Variants in MAGI1 observed in about 807,000 individuals in gnomAD.
MAGI1 encodes the protein membrane-associated guanylate kinase, WW and PDZ domain-containing protein 1.
A neutral mutation model predicts 139.9 loss-of-function variants in MAGI1; 58 were observed. The ratio of observed to expected loss-of-function variants is 0.41; its 90% CI spans 0.34 to 0.52. The LOEUF is 0.52. Among genes scored for constraint, MAGI1 ranks in the 20% least tolerant of loss-of-function variants. The probability of loss-of-function intolerance (pLI) is 0.12; values close to 1 mark genes in which losing one functional copy is unlikely to be tolerated. For synonymous variants in MAGI1, 812 were observed against 737.9 expected (o/e 1.10, Z -1.63); for missense variants, 1,874 against 1,901.6 (o/e 0.99, Z 0.27).
intron 1 of MAGI1, among the ~76,000 whole-genome samples, chr3:65,921,605 C>T (rs979920922): frequency 3.9e-5 from 6 of 152,048 alleles, no homozygotes; most frequent in Admixed American, 1.3e-4. Context: ...CCACCGTGCC[C>T]GGCTGACTTA....
chr3:65,650,538 C>A (rs539846625), intron 1 of MAGI1, among the ~76,000 whole-genome samples: 27 of 152,328 alleles, frequency 1.8e-4, no homozygotes, highest in African/African-American at 6.0e-4. Context: ...AAATGGGGGC[C>A]TTCTGTGTAG....
At chr3:65,381,766 AT>A (rs1227216075) in intron 16 of MAGI1, 110 bp downstream of exon 16, 1 of 1,006,690 alleles carries the variant, frequency 9.9e-7, no homozygotes, top group Non-Finnish European at 1.4e-6. Context: ...GCTTGATCAC[AT>A]TTGCAAACAT....
intron 1 of MAGI1, among the ~76,000 whole-genome samples, chr3:65,917,548 T>G (rs181599472): frequency 3.2e-4 from 48 of 152,284 alleles, no homozygotes; most frequent in Admixed American, 2.8e-3. Context: ...CATCCTTCAG[T>G]AAATGAATGG....
intron 1 of MAGI1, among the ~76,000 whole-genome samples, chr3:65,628,552 C>G (rs527653385): frequency 6.6e-6 from 1 of 151,882 alleles, no homozygotes; most frequent in Non-Finnish European, 1.5e-5. Flanking sequence ...ATGTAAGCAG[C>G]CTTTGCCTGG....
At chr3:65,853,161 C>T (rs898778252) in intron 1 of MAGI1, among the ~76,000 whole-genome samples, 1 of 150,898 alleles carries the variant, frequency 6.6e-6, no homozygotes, top group Non-Finnish European at 1.5e-5. Flanking sequence ...AGCGAGACTC[C>T]GTCTCAAGAA....
chr3:65,947,345 G>A (rs1291578286), intron 1 of MAGI1, among the ~76,000 whole-genome samples: 3 of 151,988 alleles, frequency 2.0e-5, no homozygotes, highest in African/African-American at 7.2e-5. Flanking sequence ...CATATGTAAG[G>A]TATAAATATC....
chr3:65,920,511 A>G (rs540116291), intron 1 of MAGI1, among the ~76,000 whole-genome samples: 3 of 152,304 alleles, frequency 2.0e-5, no homozygotes, highest in South Asian at 2.1e-4. Context: ...CCTAGATTCA[A>G]TCACCTCAAG....
At chr3:65,784,879 T>C (rs937178550) in intron 1 of MAGI1, among the ~76,000 whole-genome samples, 3 of 152,192 alleles carry the variant, frequency 2.0e-5, no homozygotes, top group African/African-American at 7.2e-5. Context: ...TACTTTACAA[T>C]GCCCTTTAGA....
chr3:65,729,903 G>A (rs1323035661), intron 1 of MAGI1, among the ~76,000 whole-genome samples: 1 of 152,156 alleles, frequency 6.6e-6, no homozygotes, highest in East Asian at 1.9e-4. Flanking sequence ...CTGACCTTTG[G>A]TTATATAAGT....
At chr3:65,657,549 T>G (rs1170553118) in intron 1 of MAGI1, among the ~76,000 whole-genome samples, 1 of 152,172 alleles carries the variant, frequency 6.6e-6, no homozygotes, top group Non-Finnish European at 1.5e-5. Flanking sequence ...AGCTACTTAT[T>G]TAGGGAGCCA....
At chr3:65,510,171 G>C (rs1165652126) in intron 2 of MAGI1, among the ~76,000 whole-genome samples, 2 of 152,174 alleles carry the variant, frequency 1.3e-5, no homozygotes, top group Non-Finnish European at 2.9e-5. Context: ...CATCATCAAA[G>C]AGCAAAAGTA....
intron 1 of MAGI1, chr3:65,688,184 C>A (rs1018802184): frequency 2.6e-6 from 2 of 765,766 alleles, no homozygotes; most frequent in Admixed American, 1.8e-5. Flanking sequence ...AGAGCGGCAA[C>A]TTCAGAGTAC....
chr3:65,482,039 T>A (rs909904718), intron 3 of MAGI1, among the ~76,000 whole-genome samples: 1 of 152,176 alleles, frequency 6.6e-6, no homozygotes, highest in Non-Finnish European at 1.5e-5. Context: ...ATATAAACTG[T>A]CAAACATAAG....
intron 1 of MAGI1, among the ~76,000 whole-genome samples, chr3:65,834,503 G>T (rs1575647183): frequency 6.6e-6 from 1 of 152,298 alleles, no homozygotes; most frequent in African/African-American, 2.4e-5. Context: ...TCACGATATG[G>T]TTTTTCTTGG....
At chr3:65,888,354 C>G (rs1287047398) in intron 1 of MAGI1, among the ~76,000 whole-genome samples, 2 of 152,122 alleles carry the variant, frequency 1.3e-5, no homozygotes, top group African/African-American at 4.8e-5. Context: ...AGAGTCAGAG[C>G]CAAGGGAAGT....
At chr3:65,988,367 G>C (rs1228793322) in intron 1 of MAGI1, among the ~76,000 whole-genome samples, 2 of 152,200 alleles carry the variant, frequency 1.3e-5, no homozygotes, top group African/African-American at 4.8e-5. Context: ...AGGGGGTTAT[G>C]CAGACAATAC....
At chr3:65,993,711 T>C (rs2066295265) in intron 1 of MAGI1, among the ~76,000 whole-genome samples, 1 of 152,182 alleles carries the variant, frequency 6.6e-6, no homozygotes, top group South Asian at 2.1e-4. Context: ...TCTTACATCA[T>C]TTTCAGACTC....
intron 7 of MAGI1, among the ~76,000 whole-genome samples, chr3:65,445,858 T>TTAACTG (rs1948644194): frequency 6.6e-6 from 1 of 152,224 alleles, no homozygotes; most frequent in African/African-American, 2.4e-5. Flanking sequence ...AAAGAGGGTT[T>TTAACTG]CCTTGTCACA....
At chr3:65,435,131 A>T (rs1218327899) in intron 10 of MAGI1, among the ~76,000 whole-genome samples, 1 of 152,176 alleles carries the variant, frequency 6.6e-6, no homozygotes, top group Non-Finnish European at 1.5e-5. Context: ...CTGATAGATA[A>T]ATGTTTGGTG....
Sources: allele counts gnomAD v4.1 joint callset (sites outside exome capture counted in the v4.1 genomes callset), GRCh38; gene constraint gnomAD v4.1.1; transcripts MANE v1.5; gene names NCBI Gene and HGNC (gene_info 2026-07-23, HGNC 2026-07-21).